ATXN1: variants seen among roughly 807,000 people sequenced by gnomAD.
ATXN1 encodes the protein ataxin 1, also known as ataxin-1.
A neutral mutation model predicts 56.4 loss-of-function variants in ATXN1; 8 were observed. The observed-to-expected ratio is 0.14, with a 90% CI of 0.08 to 0.26. ATXN1 has a LOEUF of 0.26. ATXN1 is among the 10% of genes least tolerant of loss of function. The probability of loss-of-function intolerance (pLI) is 1.00; values close to 1 mark genes in which losing one functional copy is unlikely to be tolerated. For synonymous variants in ATXN1, 514 were observed against 494.6 expected, an observed-to-expected ratio of 1.04 and a Z score of -0.52; for missense variants, 987 against 1,106.5, an observed-to-expected ratio of 0.89 and a Z score of 1.53.
chr6:16,546,924 C>T (rs1292074349), intron 4 of ATXN1, among the ~76,000 whole-genome samples: 1 of 152,162 alleles, frequency 6.6e-6, no homozygotes, highest in African/African-American at 2.4e-5. Flanking sequence ...ATGGAAGTTT[C>T]TATGAAAAAC....
chr6:16,427,110 T>A (rs541757928), intron 6 of ATXN1, among the ~76,000 whole-genome samples: 1 of 152,144 alleles, frequency 6.6e-6, no homozygotes, highest in African/African-American at 2.4e-5. Context: ...TGTCCTTGAC[T>A]GGGGGCCATG....
chr6:16,759,544 T>G (rs1348757869), intron 1 of ATXN1, among the ~76,000 whole-genome samples: 1 of 147,870 alleles, frequency 6.8e-6, no homozygotes, highest in Non-Finnish European at 1.5e-5. Flanking sequence ...TTTTTTTTTT[T>G]TTTTTTTTTT....
chr6:16,684,846 G>C (rs1273975244), intron 2 of ATXN1, among the ~76,000 whole-genome samples: 1 of 137,130 alleles, frequency 7.3e-6, no homozygotes, highest in East Asian at 2.1e-4. Flanking sequence ...TCTTAAATTA[G>C]GGCTGGTTTT....
At chr6:16,509,698 C>T (rs1761046604) in intron 5 of ATXN1, among the ~76,000 whole-genome samples, 1 of 152,188 alleles carries the variant, frequency 6.6e-6, no homozygotes, top group Non-Finnish European at 1.5e-5. Flanking sequence ...ATATACATGC[C>T]AGATGAATCT....
At chr6:16,414,940 C>G (rs1334482437) in intron 6 of ATXN1, among the ~76,000 whole-genome samples, 1 of 152,144 alleles carries the variant, frequency 6.6e-6, no homozygotes, top group Non-Finnish European at 1.5e-5. Context: ...AAAAGTTGAG[C>G]TACTGGATTC....
intron 5 of ATXN1, among the ~76,000 whole-genome samples, chr6:16,488,933 A>G (rs962058584): frequency 6.6e-6 from 1 of 152,102 alleles, no homozygotes; most frequent in African/African-American, 2.4e-5. Flanking sequence ...AAGGTGTCCA[A>G]TATCTTGCCA....
At chr6:16,484,513 G>A (rs748745043) in intron 6 of ATXN1, among the ~76,000 whole-genome samples, 84 of 152,204 alleles carry the variant, frequency 5.5e-4, no homozygotes, top group Non-Finnish European at 6.2e-4. Context: ...GGGGGCTCGC[G>A]ACTTGCCCAA....
chr6:16,676,842 G>A (rs1231439964), intron 2 of ATXN1, among the ~76,000 whole-genome samples: 1 of 151,992 alleles, frequency 6.6e-6, no homozygotes, highest in Non-Finnish European at 1.5e-5. Context: ...AACTGGCCAA[G>A]AAAAGTGTTA....
At chr6:16,611,735 C>T (rs960174907) in intron 3 of ATXN1, among the ~76,000 whole-genome samples, 5 of 149,588 alleles carry the variant, frequency 3.3e-5, no homozygotes, top group Non-Finnish European at 5.9e-5. Flanking sequence ...TTGTATGTGT[C>T]AAGATAGTAG....
intron 6 of ATXN1, among the ~76,000 whole-genome samples, chr6:16,374,107 C>T (rs994577991): frequency 9.3e-5 from 13 of 139,368 alleles, no homozygotes; most frequent in African/African-American, 3.3e-4. Flanking sequence ...CTATATACCT[C>T]GAATTATACC....
At chr6:16,538,852 A>C (rs907692567) in intron 4 of ATXN1, among the ~76,000 whole-genome samples, 1 of 152,090 alleles carries the variant, frequency 6.6e-6, no homozygotes, top group Admixed American at 6.5e-5. Flanking sequence ...CACCTGGCTA[A>C]TTCTTGTTTT....
intron 5 of ATXN1, among the ~76,000 whole-genome samples, chr6:16,504,993 C>CTTTTTTTTTTTTTTT (rs34197922): frequency 8.9e-5 from 12 of 135,288 alleles, no homozygotes; most frequent in African/African-American, 3.4e-4. Context: ...CTCCTGTTTC[C>CTTTTTTTTTTTTTTT]TTTTTTTTTT....
intron 4 of ATXN1, among the ~76,000 whole-genome samples, chr6:16,575,891 T>G (rs1231450516): frequency 6.6e-6 from 1 of 152,214 alleles, no homozygotes; most frequent in Non-Finnish European, 1.5e-5. Flanking sequence ...TTGTACTGCT[T>G]GCTCTATAAA....
In ATXN1 at chr6:16,379,649, G is replaced by C. The variant is rs533105981; in HGVS notation, c.-160-51179C>G. Among the ~76,000 whole-genome samples, 3 of 152,270 alleles carry C rather than the reference G, an allele frequency of 2.0e-5. No homozygotes were observed. In the East Asian group the frequency reaches 5.8e-4, roughly 29 times the overall value. ...TAACCAGGTACTGCACTAGGTATTA[G>C]GGAAACAGAGATGAGTAAAATTCAG... is the stretch of plus-strand genomic sequence containing the variant. On this transcript the variant is annotated intron_variant, in intron 6 of 7. Transcript: ENST00000436367.
At chr6:16,600,481 G>A (rs926311886) in intron 3 of ATXN1, among the ~76,000 whole-genome samples, 3 of 152,134 alleles carry the variant, frequency 2.0e-5, no homozygotes, top group African/African-American at 7.2e-5. Context: ...TAAGAGCAGC[G>A]TATAATAAAT....
intron 6 of ATXN1, among the ~76,000 whole-genome samples, chr6:16,416,136 G>A (rs1758901935): frequency 1.4e-5 from 2 of 147,588 alleles, no homozygotes; most frequent in South Asian, 4.2e-4. Flanking sequence ...CATCCATTTT[G>A]CAGTCAGTGT....
intron 4 of ATXN1, among the ~76,000 whole-genome samples, chr6:16,536,593 T>G (rs1340759854): frequency 6.6e-6 from 1 of 152,208 alleles, no homozygotes; most frequent in Non-Finnish European, 1.5e-5. Flanking sequence ...TATCTGACTT[T>G]TGGGGGACAT....
At chr6:16,562,391 G>GAAGAAGA (rs554136358) in intron 4 of ATXN1, among the ~76,000 whole-genome samples, 1 of 130,714 alleles carries the variant, frequency 7.7e-6, no homozygotes, top group Admixed American at 8.3e-5. Context: ...AAAAAAAGAA[G>GAAGAAGA]AAGAAGAAAG....
intron 5 of ATXN1, among the ~76,000 whole-genome samples, chr6:16,502,510 A>G (rs1164309656): frequency 6.6e-6 from 1 of 152,236 alleles, no homozygotes; most frequent in Non-Finnish European, 1.5e-5. Flanking sequence ...TTGCATTTAA[A>G]CAAATTGAAA....
Sources: gnomAD v4.1 joint callset for allele counts (sites outside exome capture counted in the v4.1 genomes callset) on GRCh38, gnomAD v4.1.1 for gene constraint, MANE v1.5 for transcripts, NCBI Gene and HGNC (gene_info 2026-07-23, HGNC 2026-07-21) for gene names.